MRRF: variants seen among roughly 807,000 people sequenced by gnomAD.
MRRF encodes the protein ribosome-recycling factor, mitochondrial.
MRRF carries 18 observed loss-of-function variants against 25.1 expected under a neutral mutation model. The ratio of observed to expected loss-of-function variants is 0.72; its 90% CI spans 0.50 to 1.06. The LOEUF (loss-of-function observed/expected upper bound fraction) is 1.06. MRRF is among the 50% of genes least tolerant of loss of function. The pLI, the probability that MRRF is intolerant of heterozygous loss-of-function variation, is 0.00. For missense variants in MRRF, 323 were observed against 319.3 expected, an observed-to-expected ratio of 1.01 and a Z score of -0.09; for synonymous variants, 113 against 112.1, an observed-to-expected ratio of 1.01 and a Z score of -0.05.
At position 122,322,613 on chromosome 9, in the gene MRRF, G is replaced by A. The variant is rs1475998387; in HGVS notation, c.785G>A (p.Gly262Glu). 17 of 1,613,986 alleles carry A rather than the reference G, an allele frequency of 1.1e-5. No homozygotes were observed. Among genetic ancestry groups the A allele is most frequent in the Non-Finnish European group, 1.4e-5 (17 of 1,180,004 alleles). The change falls in exon 7 of 7, where the codon GGA (glycine) becomes GAA (glutamate). Residue 262 changes from glycine (G) to glutamate (E), a missense_variant. By Grantham distance (98) the Gly-to-Glu change is moderately conservative. Coordinates refer to ENST00000344641, the MANE Select transcript of MRRF (RefSeq NM_138777.5). ...GCAGTGAAGACCAAAGAACTCCTTGGATGAAAGTCCACTGGGGCCAGCAAT... is the reference window on the plus strand; with the variant it reads ...GCAGTGAAGACCAAAGAACTCCTTGAATGAAAGTCCACTGGGGCCAGCAAT... ...HLAVKTKELLG is the reference protein window; with the variant it reads ...HLAVKTKELLE
intron 6 of MRRF, among the ~76,000 whole-genome samples, chr9:122,316,300 C>T (rs537742434): frequency 2.4e-4 from 37 of 152,138 alleles, no homozygotes; most frequent in African/African-American, 7.2e-4. Context: ...CTCAGACTCC[C>T]GAGTAGCTGG....
chr9:122,284,535 A>G (rs1288371192), intron 3 of MRRF, among the ~76,000 whole-genome samples: 4 of 152,216 alleles, frequency 2.6e-5, no homozygotes, highest in African/African-American at 7.2e-5. Context: ...GAGGTTTCAT[A>G]GCAAGTAAAT....
At position 122,295,223 on chromosome 9, in the gene MRRF, A is replaced by G. The variant is rs533206940; in HGVS notation, c.551+3383A>G. ...GCTTTTGATGCTTAGTAAGCACCCA[A>G]TTAATGCTAGCAAATATGCTATTTC... On this transcript the variant is annotated intron_variant, in intron 5 of 6. Coordinates refer to ENST00000344641, the MANE Select transcript of MRRF (RefSeq NM_138777.5). Among the ~76,000 whole-genome samples, 91 of 152,304 alleles carry G rather than the reference A, an allele frequency of 6.0e-4. 1 individual carries two copies. The highest frequency in any genetic ancestry group is 2.1e-3 in the African/African-American group (88 of 41,564).
At position 122,324,347 on chromosome 9, in the gene MRRF, CAG is replaced by C. The variant is rs1358736552; in HGVS notation, c.*1731_*1732del. ...TGAACAGCCCAATGAAGGAGGTACA[CAG>C]GGCAAGGTTGAGGGAGAGGGAGAGG... On this transcript the variant is annotated 3_prime_UTR_variant, in exon 7 of 7. Transcript: ENST00000344641. 5 of 152,202 alleles carry C rather than the reference CAG, an allele frequency of 3.3e-5. No homozygotes were observed. Among genetic ancestry groups the C allele is most frequent in the African/African-American group, 1.2e-4 (5 of 41,440 alleles). The allele number at this position is 152,202 out of a possible 1,614,324, so 9.4% of individuals were successfully genotyped here.
At chr9:122,294,945 G>A (rs185875986) in intron 5 of MRRF, among the ~76,000 whole-genome samples, 7 of 152,212 alleles carry the variant, frequency 4.6e-5, no homozygotes, top group Non-Finnish European at 8.8e-5. Context: ...CTAATAGGTC[G>A]AGCACCTACT....
At chr9:122,289,902 C>T (rs1006175190) in intron 4 of MRRF, among the ~76,000 whole-genome samples, 2 of 151,452 alleles carry the variant, frequency 1.3e-5, no homozygotes, top group African/African-American at 2.4e-5. Context: ...GTGGTGCAGA[C>T]CTGTAGTCCC....
At chr9:122,307,564 A>G (rs1189012224) in intron 5 of MRRF, among the ~76,000 whole-genome samples, 1 of 152,186 alleles carries the variant, frequency 6.6e-6, no homozygotes, top group African/African-American at 2.4e-5. Flanking sequence ...TTACTCAGCT[A>G]TCCTTTGTTG....
At chr9:122,312,690 C>T (rs1332176478) in intron 5 of MRRF, among the ~76,000 whole-genome samples, 1 of 152,206 alleles carries the variant, frequency 6.6e-6, no homozygotes, top group Admixed American at 6.5e-5. Context: ...TACCAAATTT[C>T]TTTGGGCCTC....
intron 6 of MRRF, among the ~76,000 whole-genome samples, chr9:122,321,063 T>C (rs1254585369): frequency 1.3e-5 from 2 of 152,224 alleles, no homozygotes; most frequent in Admixed American, 6.5e-5. Flanking sequence ...TCCTGAGAAC[T>C]TGATATGTGT....
chr9:122,309,922 T>C (rs574097599), intron 5 of MRRF, among the ~76,000 whole-genome samples: 1 of 152,362 alleles, frequency 6.6e-6, no homozygotes, highest in African/African-American at 2.4e-5. Context: ...ATAGCATAGA[T>C]CTTTGCTCTG....
chr9:122,294,516 T>A (rs1043156038), intron 5 of MRRF, among the ~76,000 whole-genome samples: 9 of 152,256 alleles, frequency 5.9e-5, no homozygotes, highest in African/African-American at 2.2e-4. Context: ...CTCATTTTTT[T>A]ATATACTTTC....
intron 5 of MRRF, among the ~76,000 whole-genome samples, chr9:122,312,028 G>A (rs1433184457): frequency 2.0e-5 from 3 of 152,200 alleles, no homozygotes; most frequent in Admixed American, 6.5e-5. Flanking sequence ...TGACATGGTG[G>A]TTTTGTGCTT....
intron 3 of MRRF, among the ~76,000 whole-genome samples, chr9:122,281,307 C>T (rs925691207): frequency 5.3e-5 from 8 of 152,232 alleles, no homozygotes; most frequent in Non-Finnish European, 2.9e-5. Context: ...TGCAAATTGT[C>T]ATCATCCTAA....
chr9:122,268,190 C>T (rs764663634), intron 1 of MRRF, among the ~76,000 whole-genome samples: 12 of 152,358 alleles, frequency 7.9e-5, no homozygotes, highest in South Asian at 4.1e-4. Context: ...TTAAAATCTA[C>T]GCCTTAAGCA....
chr9:122,284,027 G>A (rs1457484528), intron 3 of MRRF, among the ~76,000 whole-genome samples: 1 of 151,946 alleles, frequency 6.6e-6, no homozygotes, highest in Non-Finnish European at 1.5e-5. Context: ...TAGTTCTAAA[G>A]GGGATCTAAG....
At chr9:122,303,760 ATGG>A (rs1290786622) in intron 5 of MRRF, among the ~76,000 whole-genome samples, 11 of 152,204 alleles carry the variant, frequency 7.2e-5, no homozygotes, top group Non-Finnish European at 1.3e-4. Context: ...TAACTTGCTC[ATGG>A]TCATAGATTA....
Position 122,326,201 on chromosome 9 carries a change from T to C in MRRF, c.*3584T>C, listed in dbSNP as rs2119042848. 6.6e-6 allele frequency: 1 copy of C among 150,376 alleles called. No individual in the cohort carries two copies. Among genetic ancestry groups the C allele is most frequent in the East Asian group, 2.0e-4 (1 of 5,062 alleles). 9.3% of individuals were successfully genotyped at this position (150,376 alleles called of 1,614,324 possible). On this transcript the variant is annotated 3_prime_UTR_variant, in exon 7 of 7. Transcript: ENST00000344641. ...CGGCTCACTGCAACCTCTGCCTCCC[T>C]GGTTCAAGCAGTTTTCCCTGCTTCA...
chr9:122,298,971 C>A (rs906408958), intron 5 of MRRF, among the ~76,000 whole-genome samples: 8 of 152,020 alleles, frequency 5.3e-5, no homozygotes, highest in African/African-American at 1.9e-4. Flanking sequence ...ACAAACCATG[C>A]CTATATCCAG....
rs1836114167 is a variant in MRRF at position 122,325,640 on chromosome 9, G to GTA, written c.*3024_*3025insAT. The GTA allele has an allele frequency of 1.0e-5, 1 of 98,560 alleles. No homozygotes were observed. The highest frequency in any genetic ancestry group is 9.8e-5 in the Admixed American group (1 of 10,192). 6.1% of individuals were successfully genotyped at this position (98,560 alleles called of 1,614,324 possible). A position where few individuals can be genotyped will look rare whatever the true frequency, so the allele number is the denominator to read the frequency against. On this transcript the variant is annotated 3_prime_UTR_variant, in exon 7 of 7. Transcript: ENST00000344641. Reference sequence around the variant, plus strand: ...AATTTTTTTCCTGTCTGGTGTGTGTGTGTGTGTGTGTGTGTGTGTGTGTGT... The same window carrying GTA: ...AATTTTTTTCCTGTCTGGTGTGTGTGTATGTGTGTGTGTGTGTGTGTGTGTGT...
Sources: gnomAD v4.1 joint callset for allele counts (sites outside exome capture counted in the v4.1 genomes callset) on GRCh38, gnomAD v4.1.1 for gene constraint, MANE v1.5 for transcripts, NCBI Gene and HGNC (gene_info 2026-07-23, HGNC 2026-07-21) for gene names.